Variants in DENND2B observed in about 807,000 individuals in gnomAD.
DENND2B encodes the protein DENN domain containing 2B.
Under a neutral mutation model 116.0 loss-of-function variants are expected in DENND2B, and 32 were observed. The observed-to-expected ratio is 0.28, with a 90% CI of 0.21 to 0.37. The LOEUF is 0.37. DENND2B is among the 10% of genes least tolerant of loss of function. The pLI, the probability that DENND2B is intolerant of heterozygous loss-of-function variation, is 1.00. For synonymous variants in DENND2B, 588 were observed against 583.9 expected (o/e 1.01, Z -0.10); for missense variants, 1,276 against 1,477.7 (o/e 0.86, Z 2.24).
Position 8,707,692 on chromosome 11 carries a change from G to A in DENND2B, c.2430+85C>T, listed in dbSNP as rs2042855129. The A allele has an allele frequency of 7.3e-7, 1 of 1,363,940 alleles. No homozygotes were observed. The allele number at this position is 1,363,940 out of a possible 1,614,324, so 84.5% of individuals were successfully genotyped here. Reference sequence around the variant, plus strand: ...TCCCGCTCGCTCACAGTCACAGGTGGTTTTCTCATCTAAGCTGGCTGCAGA... The same window carrying A: ...TCCCGCTCGCTCACAGTCACAGGTGATTTTCTCATCTAAGCTGGCTGCAGA... On this transcript the variant is annotated intron_variant, in intron 12 of 19. Transcript: ENST00000313726. The surrounding 1 kb of genome is among the most constrained non-coding windows in gnomAD (Gnocchi z 4.8).
rs1017645452 is a variant in DENND2B at position 8,806,638 on chromosome 11, A to ACACACACACACACACACACACACC, written c.-26+3878_-26+3879insGGTGTGTGTGTGTGTGTGTGTGTG. On this transcript the variant is annotated intron_variant, in intron 1 of 19. Transcript: ENST00000313726. Reference sequence around the variant, plus strand: ...CACACACACACACACACACACACACACCCAGGAGAGCTTTCTGGGGCCTAT... The same window carrying ACACACACACACACACACACACACC: ...CACACACACACACACACACACACACACACACACACACACACACACACACCCCCAGGAGAGCTTTCTGGGGCCTAT... 5.7e-4 allele frequency among the ~76,000 whole-genome samples: 86 copies of ACACACACACACACACACACACACC among 151,002 alleles called. 1 individual carries two copies. Among genetic ancestry groups the ACACACACACACACACACACACACC allele is most frequent in the Non-Finnish European group, 4.0e-4 (27 of 67,700 alleles).
chr11:8,848,200 G>C (rs1326051138), intron 3 of DENND2B, among the ~76,000 whole-genome samples: 1 of 152,206 alleles, frequency 6.6e-6, no homozygotes, highest in African/African-American at 2.4e-5. Context: ...AAGGTGAGTA[G>C]ACTCTTTGAG....
intron 1 of DENND2B, among the ~76,000 whole-genome samples, chr11:8,899,021 T>C (rs992630252): frequency 2.0e-5 from 3 of 151,964 alleles, no homozygotes; most frequent in Non-Finnish European, 1.5e-5. Context: ...AAAAATAAAT[T>C]ATAAAACAAA....
chr11:8,849,082 G>T (rs2062911172), intron 3 of DENND2B, among the ~76,000 whole-genome samples: 1 of 151,778 alleles, frequency 6.6e-6, no homozygotes, highest in East Asian at 1.9e-4. Flanking sequence ...TCCTATCCAA[G>T]TTGCAGACCC....
intron 1 of DENND2B, among the ~76,000 whole-genome samples, chr11:8,786,507 C>T (rs546378557): frequency 6.6e-6 from 1 of 152,284 alleles, no homozygotes; most frequent in East Asian, 1.9e-4. Context: ...ACAGCAATCA[C>T]GTTAATGAAC....
At chr11:8,727,808 TTCAG>T (rs888854000) in intron 3 of DENND2B, among the ~76,000 whole-genome samples, 10 of 152,064 alleles carry the variant, frequency 6.6e-5, no homozygotes, top group African/African-American at 2.2e-4. Context: ...ACAAATCATG[TTCAG>T]TCAAATTATC....
At chr11:8,848,663 A>T (rs2062893271) in intron 3 of DENND2B, among the ~76,000 whole-genome samples, 1 of 152,232 alleles carries the variant, frequency 6.6e-6, no homozygotes, top group Non-Finnish European at 1.5e-5. Flanking sequence ...GAGAAAGATA[A>T]AATTGGCAAA....
chr11:8,730,727 C>G lies in DENND2B; in HGVS notation c.563G>C (p.Arg188Pro). 2 of 1,612,358 alleles carry G rather than the reference C, an allele frequency of 1.2e-6. No homozygotes were observed. Among genetic ancestry groups the G allele is most frequent in the Non-Finnish European group, 1.7e-6 (2 of 1,179,908 alleles). ...CGCCCACTCGCTCCCAGAGCCCTCCCGCTTCTCTCCACACATGCTCATCCT... is the reference window on the plus strand; with the variant it reads ...CGCCCACTCGCTCCCAGAGCCCTCCGGCTTCTCTCCACACATGCTCATCCT... ...SPRMSMCGEK[R>P]EGSGSEWAAS... The change falls in exon 3 of 20, where the codon CGG becomes CCG. Residue 188 changes from arginine (R) to proline (P), a missense_variant. Arg to Pro is a moderately radical substitution (Grantham distance 103). Transcript: ENST00000313726. The surrounding 1 kb of genome is among the most constrained non-coding windows in gnomAD (Gnocchi z 4.1).
rs765889691 is a variant in DENND2B at position 8,702,538 on chromosome 11, C to A, written c.2720+34G>T. 4 of 1,606,912 alleles carry A rather than the reference C, an allele frequency of 2.5e-6. No individual in the cohort carries two copies. The highest frequency in any genetic ancestry group is 3.3e-5 in the Admixed American group (2 of 60,004). On this transcript the variant is annotated intron_variant, in intron 14 of 19. Transcript: ENST00000313726. This position sits in a 1 kb window ranked among gnomAD's most constrained non-coding sequence, Gnocchi z 4.6. ...TTCGCTTGTGGGTGTGCCTTCCCCC[C>A]TCCCTTCTGCTTTCTTGCCCGGCTG...
At position 8,766,345 on chromosome 11, in the gene DENND2B, C is replaced by T. The variant is rs528743159; in HGVS notation, c.-25-15620G>A. ...CACACCAGTTATCCCTCAGCCCAGG[C>T]GCCTGCACATCCACATCAGCCTCAC... On this transcript the variant is annotated intron_variant, in intron 1 of 19. Transcript: ENST00000313726. Among the ~76,000 whole-genome samples the T allele has an allele frequency of 1.4e-3, 211 of 152,220 alleles. 1 individual carries two copies. The highest frequency in any genetic ancestry group is 4.8e-3 in the African/African-American group (199 of 41,544).
At chr11:8,718,931 G>A in intron 4 of DENND2B, 1 of 988,062 alleles carries the variant, frequency 1.0e-6, no homozygotes, top group Non-Finnish European at 1.2e-6. Flanking sequence ...CAGAATCCGT[G>A]GGGTGAACAG....
intron 10 of DENND2B, 29 bp from the exon 11 acceptor site, chr11:8,710,943 G>A: frequency 6.2e-7 from 1 of 1,612,952 alleles, no homozygotes; most frequent in Non-Finnish European, 8.5e-7. Context: ...TGGCATCAGG[G>A]AGGTGTGAGA....
At chr11:8,696,735 T>C in intron 17 of DENND2B, 69 bp from the exon 18 acceptor site, 1 of 1,580,776 alleles carries the variant, frequency 6.3e-7, no homozygotes, top group Non-Finnish European at 8.6e-7. Flanking sequence ...ATCTTCCTGG[T>C]GTAGTCTTCC....
intron 2 of DENND2B, among the ~76,000 whole-genome samples, chr11:8,732,510 A>G (rs1007927289): frequency 1.3e-5 from 2 of 152,170 alleles, no homozygotes; most frequent in Admixed American, 1.3e-4. Context: ...CACAGCACTC[A>G]GCACACCCCT....
intron 16 of DENND2B, chr11:8,698,086 T>C (rs1034269142): frequency 3.4e-5 from 9 of 262,006 alleles, no homozygotes; most frequent in African/African-American, 2.3e-4. Context: ...GGCTGCAGTG[T>C]CATGACTGTA....
chr11:8,783,775 G>T (rs1446015555), intron 1 of DENND2B, among the ~76,000 whole-genome samples: 1 of 152,164 alleles, frequency 6.6e-6, no homozygotes, highest in African/African-American at 2.4e-5. Flanking sequence ...AAGGTAAGCA[G>T]AAAAAGAGGG....
intron 1 of DENND2B, among the ~76,000 whole-genome samples, chr11:8,774,472 C>T (rs1255644186): frequency 6.6e-6 from 1 of 152,198 alleles, no homozygotes; most frequent in Non-Finnish European, 1.5e-5. Flanking sequence ...AGAAGGAAAG[C>T]CAGAAGCTGA....
At chr11:8,903,740 G>C (rs2134764602) in intron 1 of DENND2B, among the ~76,000 whole-genome samples, 1 of 151,768 alleles carries the variant, frequency 6.6e-6, no homozygotes, top group East Asian at 1.9e-4. Context: ...AAAAAAATTA[G>C]GTGGGCCTAG....
At chr11:8,819,149 A>G (rs892404648) in intron 4 of DENND2B, among the ~76,000 whole-genome samples, 1 of 152,164 alleles carries the variant, frequency 6.6e-6, no homozygotes, top group Admixed American at 6.5e-5. Flanking sequence ...AATTCCAACA[A>G]TCTGAGAGGC....
Sources: allele counts gnomAD v4.1 joint callset (sites outside exome capture counted in the v4.1 genomes callset), GRCh38; gene constraint gnomAD v4.1.1; non-coding constraint Gnocchi (gnomAD v3.1); transcripts MANE v1.5; gene names NCBI Gene and HGNC (gene_info 2026-07-23, HGNC 2026-07-21).